Variants in GSTCD observed in about 807,000 individuals in gnomAD.
The protein encoded by GSTCD is glutathione S-transferase C-terminal domain-containing protein.
In GSTCD, 44 loss-of-function variants were observed where a neutral mutation model predicts 68.3. The ratio of observed to expected loss-of-function variants is 0.64; its 90% CI spans 0.51 to 0.83. The LOEUF (loss-of-function observed/expected upper bound fraction) is 0.83. Ranked by LOEUF, GSTCD falls within the 40% of genes least tolerant of loss-of-function variation. The probability of loss-of-function intolerance (pLI) is 0.00; values close to 1 mark genes in which losing one functional copy is unlikely to be tolerated. For missense variants in GSTCD, 739 were observed against 735.9 expected (o/e 1.00, Z -0.05); for synonymous variants, 273 against 255.2 (o/e 1.07, Z -0.67).
intron 5 of GSTCD, among the ~76,000 whole-genome samples, chr4:105,742,351 C>T (rs1185164577): frequency 1.3e-5 from 2 of 152,122 alleles, no homozygotes; most frequent in Non-Finnish European, 2.9e-5. Flanking sequence ...TTCTTCTTCC[C>T]ACTCCCCTTG....
intron 5 of GSTCD, among the ~76,000 whole-genome samples, chr4:105,786,981 T>C (rs1204543092): frequency 6.6e-6 from 1 of 152,120 alleles, no homozygotes; most frequent in Non-Finnish European, 1.5e-5. Context: ...AAGTCTACTC[T>C]ATGTTTACAC....
At chr4:105,807,126 T>C (rs914575841) in intron 5 of GSTCD, 1 of 152,174 alleles carries the variant, frequency 6.6e-6, no homozygotes, top group African/African-American at 2.4e-5. Flanking sequence ...AAAAGTAGTA[T>C]AATGAATACC....
intron 1 of GSTCD, among the ~76,000 whole-genome samples, chr4:105,711,521 A>G (rs1451020797): frequency 6.6e-6 from 1 of 152,238 alleles, no homozygotes; most frequent in East Asian, 1.9e-4. Flanking sequence ...CAAGGTTTGC[A>G]TATTTTAATA....
chr4:105,719,930 A>G (rs1323482981), intron 3 of GSTCD, among the ~76,000 whole-genome samples: 1 of 152,056 alleles, frequency 6.6e-6, no homozygotes, highest in African/African-American at 2.4e-5. Flanking sequence ...GTCTACTATT[A>G]GAGGGTGCAG....
intron 5 of GSTCD, among the ~76,000 whole-genome samples, chr4:105,794,206 G>A (rs1735783639): frequency 6.6e-6 from 1 of 151,950 alleles, no homozygotes; most frequent in Non-Finnish European, 1.5e-5. Flanking sequence ...TCTGAAAAAG[G>A]CAAAACTATG....
At chr4:105,789,766 C>T (rs993468912) in intron 5 of GSTCD, among the ~76,000 whole-genome samples, 21 of 151,606 alleles carry the variant, frequency 1.4e-4, no homozygotes, top group Non-Finnish European at 2.9e-4. Flanking sequence ...GGTGTGAATA[C>T]AGGAGGGAGG....
chr4:105,745,368 C>T (rs538218392), intron 5 of GSTCD, among the ~76,000 whole-genome samples: 13 of 152,244 alleles, frequency 8.5e-5, no homozygotes, highest in African/African-American at 2.2e-4. Context: ...AATCATGTTA[C>T]GTAACAAAAA....
chr4:105,749,346 G>A (rs904005210), intron 5 of GSTCD, among the ~76,000 whole-genome samples: 2 of 151,850 alleles, frequency 1.3e-5, no homozygotes, highest in African/African-American at 4.8e-5. Context: ...ATCAAAATCT[G>A]AAGACTTTTT....
At chr4:105,760,790 G>A (rs573318969) in intron 5 of GSTCD, among the ~76,000 whole-genome samples, 1 of 152,158 alleles carries the variant, frequency 6.6e-6, no homozygotes, top group African/African-American at 2.4e-5. Flanking sequence ...AGCTATTGAT[G>A]GATTGGTATA....
chr4:105,781,701 A>T (rs1329836665), intron 5 of GSTCD, among the ~76,000 whole-genome samples: 10 of 152,054 alleles, frequency 6.6e-5, no homozygotes, highest in Admixed American at 5.2e-4. Flanking sequence ...AAACACAAAT[A>T]TATTTTTGAT....
At chr4:105,717,203 C>T (rs2149204084) in intron 1 of GSTCD, among the ~76,000 whole-genome samples, 1 of 152,252 alleles carries the variant, frequency 6.6e-6, no homozygotes, top group South Asian at 2.1e-4. Context: ...TATGGAAGGA[C>T]CAGCACTGTC....
intron 5 of GSTCD, among the ~76,000 whole-genome samples, chr4:105,790,749 G>C (rs542001178): frequency 1.3e-5 from 2 of 152,110 alleles, no homozygotes; most frequent in Admixed American, 1.3e-4. Flanking sequence ...ATGGAGGTAA[G>C]GTAGAAAAGG....
chr4:105,801,255 T>C (rs1346325797), intron 5 of GSTCD, among the ~76,000 whole-genome samples: 1 of 152,138 alleles, frequency 6.6e-6, no homozygotes, highest in East Asian at 1.9e-4. Flanking sequence ...GACTCAAATA[T>C]TTCACTGCTC....
At chr4:105,773,163 C>A (rs114121461) in intron 5 of GSTCD, among the ~76,000 whole-genome samples, 1,558 of 152,170 alleles carry the variant, frequency 0.01, 32 homozygotes, top group African/African-American at 0.035. Flanking sequence ...TCATAGTATT[C>A]TTTTATGGTA....
At chr4:105,730,282 G>A (rs938119821) in intron 5 of GSTCD, among the ~76,000 whole-genome samples, 4 of 152,206 alleles carry the variant, frequency 2.6e-5, no homozygotes, top group African/African-American at 9.6e-5. Context: ...TGGGTCAAAT[G>A]GTATTTCTAG....
At chr4:105,711,505 G>T (rs1436522450) in intron 1 of GSTCD, among the ~76,000 whole-genome samples, 1 of 152,140 alleles carries the variant, frequency 6.6e-6, no homozygotes, top group Non-Finnish European at 1.5e-5. Context: ...TTTGGGTTTT[G>T]CCCATCAAGG....
At chr4:105,714,134 TCTTTTTAC>T (rs1350507561) in intron 1 of GSTCD, among the ~76,000 whole-genome samples, 4 of 152,190 alleles carry the variant, frequency 2.6e-5, no homozygotes, top group African/African-American at 9.6e-5. Context: ...CATAATCTTT[TCTTTTTAC>T]CCATTTATTC....
chr4:105,841,639 C>A (rs2149288735), intron 10 of GSTCD, among the ~76,000 whole-genome samples: 1 of 151,296 alleles, frequency 6.6e-6, no homozygotes, highest in South Asian at 2.1e-4. Context: ...AGTCCGAGAC[C>A]AGCCTGGCCA....
chr4:105,722,367 G>A (rs1453219152), intron 3 of GSTCD, among the ~76,000 whole-genome samples: 1 of 151,960 alleles, frequency 6.6e-6, no homozygotes, highest in African/African-American at 2.4e-5. Context: ...TATTTTCTGT[G>A]TCTATTCCTA....
Sources: allele counts gnomAD v4.1 joint callset (sites outside exome capture counted in the v4.1 genomes callset), GRCh38; gene constraint gnomAD v4.1.1; transcripts MANE v1.5; gene names NCBI Gene and HGNC (gene_info 2026-07-23, HGNC 2026-07-21).